Variants in CUEDC1 observed in about 807,000 individuals in gnomAD.
CUEDC1 encodes CUE domain containing 1.
In CUEDC1, 30 loss-of-function variants were observed where a neutral mutation model predicts 43.7. The observed-to-expected ratio is 0.69, with a 90% CI of 0.51 to 0.93. The LOEUF (loss-of-function observed/expected upper bound fraction) is 0.93, where lower values mean the gene tolerates loss of function less well. Among genes scored for constraint, CUEDC1 ranks in the 40% least tolerant of loss-of-function variants. The probability of loss-of-function intolerance (pLI) is 0.00; values close to 1 mark genes in which losing one functional copy is unlikely to be tolerated. For missense variants in CUEDC1, 486 were observed against 549.0 expected (o/e 0.89, Z 1.15); for synonymous variants, 223 against 223.6 (o/e 1.00, Z 0.02).
In CUEDC1 at chr17:57,945,409, T is replaced by C. The variant is rs147249683; in HGVS notation, c.-316+9816A>G. 5.5e-3 allele frequency among the ~76,000 whole-genome samples: 839 copies of C among 152,384 alleles called. 13 individuals carry two copies. The highest frequency in any genetic ancestry group is 3.9e-3 in the Non-Finnish European group (267 of 68,046). ...TGCCCCCATGCCCAAAGTCTAACTA[T>C]ATCTAATAAATAGGTTAAGCCCATT... On this transcript the variant is annotated intron_variant, in intron 1 of 10. Coordinates refer to ENST00000577830, the MANE Select transcript of CUEDC1 (RefSeq NM_001271875.2).
intron 1 of CUEDC1, among the ~76,000 whole-genome samples, chr17:57,913,048 G>A (rs754315955): frequency 1.3e-4 from 20 of 152,050 alleles, no homozygotes; most frequent in Non-Finnish European, 2.4e-4. Context: ...GGGTGTCTCC[G>A]GGCACAGTGG....
At chr17:57,918,627 T>C (rs2074667976) in intron 1 of CUEDC1, among the ~76,000 whole-genome samples, 1 of 152,060 alleles carries the variant, frequency 6.6e-6, no homozygotes, top group Admixed American at 6.6e-5. Flanking sequence ...AAAAGAGGAG[T>C]CAGAGTTTTT....
Position 57,885,739 on chromosome 17 carries a change from T to G in CUEDC1, c.-175A>C. ...TGCCAAGAGCTCCGGGTTAGGAGAG[T>G]ACGGGCGCGGGGCCCCAGGCAGCCC... On this transcript the variant is annotated 5_prime_UTR_variant, in exon 2 of 11. Coordinates refer to ENST00000577830, the MANE Select transcript of CUEDC1 (RefSeq NM_001271875.2). The G allele has an allele frequency of 9.1e-7, 1 of 1,103,944 alleles. No homozygotes were observed. 68.4% of individuals were successfully genotyped at this position (1,103,944 alleles called of 1,614,324 possible).
chr17:57,952,530 A>G (rs1274484542), intron 1 of CUEDC1, among the ~76,000 whole-genome samples: 6 of 152,130 alleles, frequency 3.9e-5, no homozygotes, highest in African/African-American at 1.4e-4. Flanking sequence ...TCCGGCCTCC[A>G]ATGCCCTTTA....
At chr17:57,934,657 T>A (rs894993961) in intron 1 of CUEDC1, among the ~76,000 whole-genome samples, 1 of 150,838 alleles carries the variant, frequency 6.6e-6, no homozygotes, top group African/African-American at 2.4e-5. Context: ...TGCTATCTAC[T>A]CATTCCTTAA....
chr17:57,906,245 A>G (rs1181434471), intron 1 of CUEDC1, among the ~76,000 whole-genome samples: 1 of 152,270 alleles, frequency 6.6e-6, no homozygotes, highest in East Asian at 1.9e-4. Context: ...TGTACTCTAC[A>G]TATTTAGAAC....
intron 1 of CUEDC1, among the ~76,000 whole-genome samples, chr17:57,891,465 C>A (rs940646785): frequency 2.0e-5 from 3 of 152,220 alleles, no homozygotes; most frequent in African/African-American, 7.2e-5. Context: ...TAGCTCCCTG[C>A]CTCCCACGTG....
At position 57,935,982 on chromosome 17, in the gene CUEDC1, T is replaced by C. The variant is rs1377476191; in HGVS notation, c.-316+19243A>G. Among the ~76,000 whole-genome samples the C allele has an allele frequency of 2.6e-5, 4 of 152,344 alleles. No individual in the cohort carries two copies. The East Asian group carries it at 7.7e-4, about 29-fold the overall frequency. ...ACACCCACCTCCGCTGTTGCTGTCC[T>C]GTCTCCTGGGCCAGTGACCCACCCG... On this transcript the variant is annotated intron_variant, in intron 1 of 10. Transcript: ENST00000577830.
At chr17:57,905,661 C>T (rs1276696947) in intron 1 of CUEDC1, among the ~76,000 whole-genome samples, 1 of 152,228 alleles carries the variant, frequency 6.6e-6, no homozygotes, top group African/African-American at 2.4e-5. Flanking sequence ...ACACAGGGCA[C>T]ATCCACATGC....
chr17:57,884,192 C>CTTTTTTTT (rs780667346), intron 2 of CUEDC1, among the ~76,000 whole-genome samples: 3 of 81,356 alleles, frequency 3.7e-5, no homozygotes, highest in Admixed American at 1.6e-4. Flanking sequence ...TTTTTCTTTT[C>CTTTTTTTT]TTTTTTTTTT....
intron 1 of CUEDC1, among the ~76,000 whole-genome samples, chr17:57,897,331 C>A (rs747129619): frequency 6.6e-6 from 1 of 152,124 alleles, no homozygotes. Flanking sequence ...AGTCTGGCCC[C>A]GGAGTCCATG....
At chr17:57,909,000 A>C (rs2074557391) in intron 1 of CUEDC1, among the ~76,000 whole-genome samples, 2 of 152,270 alleles carry the variant, frequency 1.3e-5, no homozygotes, top group South Asian at 4.1e-4. Flanking sequence ...GTCTCAAAAA[A>C]AAAAGGAAGA....
intron 3 of CUEDC1, among the ~76,000 whole-genome samples, chr17:57,876,216 A>G (rs1241368191): frequency 6.6e-6 from 1 of 152,112 alleles, no homozygotes; most frequent in Non-Finnish European, 1.5e-5. Flanking sequence ...GAGAAGACGG[A>G]AGCTCCCTGG....
rs1201535589 is a variant in CUEDC1, at chr17:57,871,851, G to A, written c.785-482C>T. Among the ~76,000 whole-genome samples the A allele has an allele frequency of 5.3e-5, 8 of 152,372 alleles. No homozygotes were observed. In the East Asian group the frequency reaches 1.5e-3, roughly 29 times the overall value. The stretch of plus-strand genomic sequence containing the variant: ...AGGCAGGAGAAACACTTGAACCTGG[G>A]AGGCGGAGGTTGCAGTGAGCCGAGA... On this transcript the variant is annotated intron_variant, in intron 5 of 10. Transcript: ENST00000577830.
intron 1 of CUEDC1, among the ~76,000 whole-genome samples, chr17:57,939,174 C>T (rs1368517858): frequency 6.6e-6 from 1 of 151,456 alleles, no homozygotes; most frequent in African/African-American, 2.4e-5. Context: ...ACCTTGTTGG[C>T]CAGGCTGATC....
At chr17:57,909,756 T>C (rs1202411395) in intron 1 of CUEDC1, among the ~76,000 whole-genome samples, 1 of 152,154 alleles carries the variant, frequency 6.6e-6, no homozygotes, top group Admixed American at 6.5e-5. Context: ...ATCCCCAGGC[T>C]CCTCCCCTGT....
At chr17:57,879,133 T>C (rs994615739) in intron 3 of CUEDC1, among the ~76,000 whole-genome samples, 2 of 152,236 alleles carry the variant, frequency 1.3e-5, no homozygotes, top group South Asian at 4.1e-4. Context: ...GGATGGCAGC[T>C]AGCCATTCCA....
intron 10 of CUEDC1, among the ~76,000 whole-genome samples, chr17:57,864,647 A>C (rs953315403): frequency 6.6e-6 from 1 of 152,110 alleles, no homozygotes; most frequent in Non-Finnish European, 1.5e-5. Flanking sequence ...GCAGTGGATG[A>C]AGGAGGATGG....
intron 1 of CUEDC1, among the ~76,000 whole-genome samples, chr17:57,934,252 C>T (rs1288104160): frequency 6.6e-6 from 1 of 152,008 alleles, no homozygotes. Context: ...ATTAGCCAGG[C>T]GTGGTGACAC....
Sources: allele counts gnomAD v4.1 joint callset (sites outside exome capture counted in the v4.1 genomes callset), GRCh38; gene constraint gnomAD v4.1.1; transcripts MANE v1.5; gene names NCBI Gene and HGNC (gene_info 2026-07-23, HGNC 2026-07-21).